ARHGEF38: variants seen among roughly 807,000 people sequenced by gnomAD.
ARHGEF38 encodes the protein Rho guanine nucleotide exchange factor (GEF) 38.
ARHGEF38 carries 79 observed loss-of-function variants against 79.9 expected under a neutral mutation model. The ratio of observed to expected loss-of-function variants is 0.99; its 90% confidence interval spans 0.82 to 1.19. The LOEUF (loss-of-function observed/expected upper bound fraction) is 1.19. Ranked by LOEUF, ARHGEF38 falls within the 50% of genes most tolerant of loss-of-function variation. ARHGEF38 has a pLI of 0.00. For synonymous variants in ARHGEF38, 366 were observed against 328.3 expected (o/e 1.11, Z -1.24); for missense variants, 962 against 907.2 (o/e 1.06, Z -0.78).
At chr4:105,643,151 A>G (rs1009425882) in intron 5 of ARHGEF38, among the ~76,000 whole-genome samples, 5 of 151,324 alleles carry the variant, frequency 3.3e-5, no homozygotes, top group African/African-American at 9.7e-5. Flanking sequence ...TTTTCAGTAT[A>G]AATACTGAAA....
chr4:105,591,894 G>T (rs1727357203), intron 2 of ARHGEF38, among the ~76,000 whole-genome samples: 1 of 152,148 alleles, frequency 6.6e-6, no homozygotes, highest in Admixed American at 6.5e-5. Context: ...TAGTGTCATT[G>T]CTACGTATAT....
intron 5 of ARHGEF38, among the ~76,000 whole-genome samples, chr4:105,643,122 G>GT (rs1339456059): frequency 6.7e-6 from 1 of 149,252 alleles, no homozygotes; most frequent in East Asian, 1.9e-4. Flanking sequence ...TATCTTTTGG[G>GT]TTTTTTGTTA....
At chr4:105,654,779 A>C (rs747341206) in intron 8 of ARHGEF38, among the ~76,000 whole-genome samples, 4 of 152,186 alleles carry the variant, frequency 2.6e-5, no homozygotes, top group Non-Finnish European at 1.5e-5. Context: ...CGATCTCATA[A>C]AGAGGAAACA....
At chr4:105,576,874 C>T (rs114095355) in intron 1 of ARHGEF38, among the ~76,000 whole-genome samples, 2,521 of 152,068 alleles carry the variant, frequency 0.017, 76 homozygotes, top group African/African-American at 0.057. Context: ...TGAGAAGATC[C>T]TATGATTTGT....
chr4:105,601,037 C>A (rs1355774520), intron 2 of ARHGEF38, among the ~76,000 whole-genome samples: 1 of 152,122 alleles, frequency 6.6e-6, no homozygotes, highest in African/African-American at 2.4e-5. Context: ...TTCAACCAAG[C>A]AGCCAGAGTG....
chr4:105,553,071 C>A, intron 1 of ARHGEF38, 110 bp downstream of exon 1: 1 of 749,926 alleles, frequency 1.3e-6, no homozygotes, highest in Non-Finnish European at 2.1e-6. Flanking sequence ...TTGAATACCA[C>A]CTCTCCTTCC....
intron 2 of ARHGEF38, among the ~76,000 whole-genome samples, chr4:105,611,754 A>G (rs1327389865): frequency 6.6e-6 from 1 of 152,116 alleles, no homozygotes; most frequent in Non-Finnish European, 1.5e-5. Context: ...TGGATTAAAG[A>G]CCTTAAGAAC....
chr4:105,577,378 T>G (rs1015956013), intron 1 of ARHGEF38, among the ~76,000 whole-genome samples: 2 of 151,464 alleles, frequency 1.3e-5, no homozygotes, highest in African/African-American at 4.8e-5. Context: ...TGCGATAGTC[T>G]TTTTTTATTA....
At chr4:105,615,818 G>C (rs1471820239) in intron 3 of ARHGEF38, among the ~76,000 whole-genome samples, 1 of 152,190 alleles carries the variant, frequency 6.6e-6, no homozygotes, top group Non-Finnish European at 1.5e-5. Context: ...CTCAAGGAAA[G>C]TTCTATCTTT....
chr4:105,655,346 G>T (rs1164757739), intron 8 of ARHGEF38, among the ~76,000 whole-genome samples: 4 of 152,048 alleles, frequency 2.6e-5, no homozygotes, highest in Non-Finnish European at 5.9e-5. Context: ...AGCTAATGAG[G>T]GAATTTAAGA....
At chr4:105,635,997 T>C (rs1033002999) in intron 4 of ARHGEF38, among the ~76,000 whole-genome samples, 4 of 152,050 alleles carry the variant, frequency 2.6e-5, no homozygotes, top group South Asian at 2.1e-4. Flanking sequence ...ACTTATTAAA[T>C]CCATTAAATT....
intron 2 of ARHGEF38, among the ~76,000 whole-genome samples, chr4:105,601,245 T>G (rs1344415129): frequency 6.6e-6 from 1 of 152,172 alleles, no homozygotes; most frequent in East Asian, 1.9e-4. Flanking sequence ...CCAGGAGCAC[T>G]GCTGTTTCAA....
chr4:105,610,154 C>G (rs1728228653), intron 2 of ARHGEF38, among the ~76,000 whole-genome samples: 2 of 152,026 alleles, frequency 1.3e-5, no homozygotes, highest in South Asian at 4.2e-4. Context: ...GGGAGCTGAA[C>G]AATGAGAACT....
intron 3 of ARHGEF38, among the ~76,000 whole-genome samples, chr4:105,626,004 T>C (rs1366299255): frequency 1.3e-5 from 2 of 152,208 alleles, no homozygotes; most frequent in Non-Finnish European, 2.9e-5. Context: ...TCTTTTCTTC[T>C]CACTCTGTGA....
intron 1 of ARHGEF38, among the ~76,000 whole-genome samples, chr4:105,568,285 A>G (rs1726040469): frequency 1.3e-5 from 2 of 151,854 alleles, no homozygotes; most frequent in Admixed American, 6.6e-5. Flanking sequence ...CAAAACCACA[A>G]TGAGATACCA....
Position 105,678,045 on chromosome 4 carries a change from G to T in ARHGEF38, c.*108G>T. The T allele has an allele frequency of 1.1e-6, 1 of 906,152 alleles. No individual in the cohort carries two copies. The highest frequency in any genetic ancestry group is 1.6e-6 in the Non-Finnish European group (1 of 626,416). The allele number at this position is 906,152 out of a possible 1,614,324, so 56.1% of individuals were successfully genotyped here. A position where few individuals can be genotyped will look rare whatever the true frequency, so the allele number is the denominator to read the frequency against. On this transcript the variant is annotated 3_prime_UTR_variant, in exon 14 of 14. Transcript: ENST00000420470. ...GAAAGCAAGAAACCTCTGAACTACAGAAACTGATACTGTACTGGGTTTTCA... is the reference window on the plus strand; with the variant it reads ...GAAAGCAAGAAACCTCTGAACTACATAAACTGATACTGTACTGGGTTTTCA...
chr4:105,669,137 T>G (rs115599607), intron 13 of ARHGEF38, among the ~76,000 whole-genome samples: 7,591 of 152,276 alleles, frequency 0.05, 223 homozygotes, highest in Middle Eastern at 0.13. Context: ...GTATATCCTT[T>G]GTATATTCTG....
rs138502419 is a variant in ARHGEF38, at chr4:105,613,565, C to T, written c.508+58C>T. The T allele has an allele frequency of 1.4e-4, 219 of 1,585,518 alleles. 1 individual carries two copies. In the East Asian group the frequency reaches 3.3e-3, roughly 24 times the overall value. On this transcript the variant is annotated intron_variant, in intron 3 of 13. Coordinates refer to ENST00000420470, the MANE Select transcript of ARHGEF38 (RefSeq NM_001242729.2). ...CAACAGGAAATAATTTTTTAATAAC[C>T]TCCCTTTGCTTTGGTTTTTTGTTCC...
At chr4:105,569,262 T>C (rs910511279) in intron 1 of ARHGEF38, among the ~76,000 whole-genome samples, 2 of 152,214 alleles carry the variant, frequency 1.3e-5, no homozygotes, top group Admixed American at 6.5e-5. Context: ...ATTCAGATGT[T>C]ATTATATTAT....
Sources: allele counts gnomAD v4.1 joint callset (sites outside exome capture counted in the v4.1 genomes callset), GRCh38; gene constraint gnomAD v4.1.1; transcripts MANE v1.5; gene names NCBI Gene and HGNC (gene_info 2026-07-23, HGNC 2026-07-21).